Variants in URI1 observed in about 807,000 individuals in gnomAD.
The protein encoded by URI1 is URI1 prefoldin like chaperone, also known as unconventional prefoldin RPB5 interactor 1.
URI1 carries 39 observed loss-of-function variants against 60.2 expected under a neutral mutation model. The observed-to-expected ratio is 0.65, with a 90% CI of 0.50 to 0.85. URI1 has a LOEUF of 0.85. URI1 is among the 40% of genes least tolerant of loss of function. The pLI is 0.00. For synonymous variants in URI1, 251 were observed against 236.8 expected (o/e 1.06, Z -0.55); for missense variants, 691 against 665.9 (o/e 1.04, Z -0.42).
chr19:29,945,712 T>TA (rs1481291141), intron 1 of URI1, among the ~76,000 whole-genome samples: 4 of 152,206 alleles, frequency 2.6e-5, no homozygotes, highest in African/African-American at 9.7e-5. Flanking sequence ...CAGGAGCTGT[T>TA]ACGTAGGCAT....
chr19:29,976,913 T>C (rs1250242424), intron 2 of URI1, among the ~76,000 whole-genome samples: 1 of 152,198 alleles, frequency 6.6e-6, no homozygotes, highest in African/African-American at 2.4e-5. Context: ...AATTTAGACA[T>C]AAAAGTTCTA....
chr19:29,944,185 A>ATATATATATATATATATATG (rs1555736104), intron 1 of URI1, among the ~76,000 whole-genome samples: 3 of 100,714 alleles, frequency 3.0e-5, no homozygotes, highest in Non-Finnish European at 6.0e-5. Context: ...ATATATATAT[A>ATATATATATATATATATATG]TATATATAAA....
chr19:29,965,579 T>C (rs1324355566), intron 1 of URI1, among the ~76,000 whole-genome samples: 1 of 152,222 alleles, frequency 6.6e-6, no homozygotes, highest in Non-Finnish European at 1.5e-5. Context: ...GCAAATGTTA[T>C]GTTTACTACA....
intron 4 of URI1, among the ~76,000 whole-genome samples, chr19:29,997,680 C>T (rs1285093774): frequency 1.3e-5 from 2 of 151,870 alleles, no homozygotes; most frequent in African/African-American, 4.8e-5. Context: ...TAGGTATTTA[C>T]AGCTATAAAT....
At chr19:29,951,666 C>T (rs2055181890) in intron 1 of URI1, among the ~76,000 whole-genome samples, 1 of 152,020 alleles carries the variant, frequency 6.6e-6, no homozygotes, top group South Asian at 2.1e-4. Context: ...CCTGCCTCAG[C>T]CTCCCAAGTA....
chr19:29,923,899 G>A (rs1447014653), intron 1 of URI1: 2 of 832,584 alleles, frequency 2.4e-6, no homozygotes, highest in Non-Finnish European at 3.7e-6. Context: ...CCTGGAAGAG[G>A]GGCTTTATAA....
At chr19:29,968,070 T>C (rs767062834) in intron 1 of URI1, among the ~76,000 whole-genome samples, 8 of 152,226 alleles carry the variant, frequency 5.3e-5, no homozygotes, top group Non-Finnish European at 8.8e-5. Flanking sequence ...CATAGTTCTT[T>C]TTCTTTACTG....
intron 2 of URI1, chr19:29,980,222 CAACA>C (rs1385720515): frequency 6.6e-6 from 1 of 151,952 alleles, no homozygotes; most frequent in Non-Finnish European, 1.5e-5. Flanking sequence ...GCAAAACAAT[CAACA>C]AACAATCAGA....
intron 4 of URI1, among the ~76,000 whole-genome samples, chr19:29,987,919 G>A (rs2055692648): frequency 6.6e-6 from 1 of 152,150 alleles, no homozygotes; most frequent in East Asian, 1.9e-4. Context: ...TGTAATCCCA[G>A]CACTTTGGGA....
At chr19:29,930,245 G>A (rs1197089679) in intron 1 of URI1, among the ~76,000 whole-genome samples, 1 of 152,028 alleles carries the variant, frequency 6.6e-6, no homozygotes, top group Non-Finnish European at 1.5e-5. Flanking sequence ...GGTTGATAGT[G>A]TCCTTTGATG....
At chr19:29,958,535 T>A (rs138062734) in intron 1 of URI1, among the ~76,000 whole-genome samples, 8 of 152,380 alleles carry the variant, frequency 5.3e-5, no homozygotes, top group African/African-American at 1.7e-4. Flanking sequence ...AGCAAACCCA[T>A]TTGTAGAGGA....
intron 4 of URI1, chr19:30,004,662 C>T (rs2055917623): frequency 6.6e-6 from 1 of 151,976 alleles, no homozygotes; most frequent in African/African-American, 2.4e-5. Flanking sequence ...TTAGAAACCC[C>T]ATGTATTTTT....
intron 8 of URI1, among the ~76,000 whole-genome samples, chr19:30,010,573 A>T (rs553616592): frequency 1.3e-5 from 2 of 152,198 alleles, no homozygotes; most frequent in East Asian, 3.8e-4. Flanking sequence ...CTGACTAGGG[A>T]TAGAAAAATA....
chr19:29,951,509 T>C (rs1363710179), intron 1 of URI1, among the ~76,000 whole-genome samples: 2 of 152,130 alleles, frequency 1.3e-5, no homozygotes, highest in Non-Finnish European at 2.9e-5. Flanking sequence ...TTGTTCTAAA[T>C]TTGGCCAATG....
intron 4 of URI1, among the ~76,000 whole-genome samples, chr19:29,996,595 T>TAA (rs1250419291): frequency 6.6e-6 from 1 of 152,116 alleles, no homozygotes; most frequent in Non-Finnish European, 1.5e-5. Flanking sequence ...GGCTTTTTAT[T>TAA]TGTTTTTCTT....
rs371310852 is a variant in URI1 at position 30,009,180 on chromosome 19, T to G, written c.862T>G (p.Cys288Gly). 2.5e-6 allele frequency: 4 copies of G among 1,613,750 alleles called. No individual in the cohort carries two copies. In the African/African-American group the frequency reaches 5.3e-5, roughly 22 times the overall value. Residue 288 changes from cysteine to glycine, a missense_variant, in exon 8 of 11, where the codon TGT (cysteine) becomes GGT (glycine). Coordinates refer to ENST00000392271, the MANE Select transcript of URI1 (RefSeq NM_003796.3). ...TGGTCAAGTGAATAGTCAGTTGAAC[T>G]GTTCAGTGAATGGTTCCAGTTCTTA... ...FSGQVNSQLN[C>G]SVNGSSSYHS... is the part of the protein sequence containing the mutation.
rs2056036174 is a variant in URI1, at chr19:30,012,533, T to G, written c.1425+2T>G. The G allele has an allele frequency of 3.7e-6, 6 of 1,610,520 alleles. No homozygotes were observed. Among genetic ancestry groups the G allele is most frequent in the Non-Finnish European group, 5.1e-6 (6 of 1,178,234 alleles). ...TTGCCCTTATCAGTAACACCTGAGG[T>G]GTGTGTGTGTATCTTTTAATTCTTT... On this transcript the variant is annotated splice_donor_variant, in intron 10 of 10. Coordinates refer to ENST00000392271, the MANE Select transcript of URI1 (RefSeq NM_003796.3). LOFTEE classifies it high-confidence loss of function.
Position 29,986,397 on chromosome 19 carries a change from T to C in URI1, c.347T>C (p.Leu116Ser). The change falls in exon 4 of 11, where the codon TTA (leucine) becomes TCA (serine). Residue 116 changes from leucine (L) to serine (S), a missense_variant. By Grantham distance (145) the Leu-to-Ser change is moderately radical. Coordinates refer to ENST00000392271, the MANE Select transcript of URI1 (RefSeq NM_003796.3). ...AKCSAKQAVG[L>S]VEHRKEHVRK... ...TGCTCAGCAAAGCAGGCTGTAGGTTTAGTTGAGCACCGGAAAGAACGTAGG... is the reference window on the plus strand; with the variant it reads ...TGCTCAGCAAAGCAGGCTGTAGGTTCAGTTGAGCACCGGAAAGAACGTAGG... The C allele has an allele frequency of 1.2e-6, 2 of 1,608,756 alleles. No homozygotes were observed. The highest frequency in any genetic ancestry group is 1.7e-6 in the Non-Finnish European group (2 of 1,179,058).
At chr19:29,980,009 T>TA (rs2055573196) in intron 2 of URI1, 1 of 152,166 alleles carries the variant, frequency 6.6e-6, no homozygotes, top group Admixed American at 6.5e-5. Context: ...AATTTTTAAA[T>TA]AAAATGTAAC....
Sources: gnomAD v4.1 joint callset for allele counts (sites outside exome capture counted in the v4.1 genomes callset) on GRCh38, gnomAD v4.1.1 for gene constraint, MANE v1.5 for transcripts, NCBI Gene and HGNC (gene_info 2026-07-23, HGNC 2026-07-21) for gene names.